The following F13A1 variants were observed in gnomAD, a reference collection of about 807,000 sequenced individuals.
F13A1 encodes the protein FSF, A subunit.
F13A1 carries 47 observed loss-of-function variants against 80.1 expected under a neutral mutation model. The ratio of observed to expected loss-of-function variants is 0.59; its 90% CI spans 0.46 to 0.75. The LOEUF (loss-of-function observed/expected upper bound fraction) is 0.75, where lower values mean the gene tolerates loss of function less well. F13A1 is among the 30% of genes least tolerant of loss of function. The pLI is 0.00. For synonymous variants in F13A1, 349 were observed against 344.9 expected (o/e 1.01, Z -0.13); for missense variants, 817 against 930.4 (o/e 0.88, Z 1.59).
At chr6:6,254,290 G>A (rs1757675824) in intron 4 of F13A1, among the ~76,000 whole-genome samples, 1 of 152,100 alleles carries the variant, frequency 6.6e-6, no homozygotes, top group Non-Finnish European at 1.5e-5. Context: ...TTTGCCCAAT[G>A]CTATTTCTAG....
intron 4 of F13A1, among the ~76,000 whole-genome samples, chr6:6,263,558 G>C (rs981315374): frequency 2.0e-5 from 3 of 152,022 alleles, no homozygotes; most frequent in Admixed American, 6.5e-5. Flanking sequence ...GCTCCTAACC[G>C]TGCCCATGTT....
chr6:6,238,949 T>A (rs143643409), intron 6 of F13A1, among the ~76,000 whole-genome samples: 24 of 152,244 alleles, frequency 1.6e-4, no homozygotes, highest in Admixed American at 1.4e-3. Context: ...ACTAGCCAAT[T>A]CTTATAAAGT....
Position 6,145,544 on chromosome 6 carries a change from A to AT in F13A1, c.*74dup, listed in dbSNP as rs1345679036. 2 of 1,597,062 alleles carry AT rather than the reference A, an allele frequency of 1.3e-6. No homozygotes were observed. The highest frequency in any genetic ancestry group is 4.5e-5 in the East Asian group (2 of 44,776). On this transcript the variant is annotated 3_prime_UTR_variant, in exon 15 of 15. Transcript: ENST00000264870. Reference sequence around the variant, plus strand: ...TCACACCTAAGTCAAAGCAAGAGCTATTTTTGCGTTAGAATTTCCTTAGCC... The same window carrying AT: ...TCACACCTAAGTCAAAGCAAGAGCTATTTTTTGCGTTAGAATTTCCTTAGCC...
At chr6:6,296,313 T>C (rs1304321127) in intron 3 of F13A1, among the ~76,000 whole-genome samples, 1 of 151,062 alleles carries the variant, frequency 6.6e-6, no homozygotes, top group Non-Finnish European at 1.5e-5. Context: ...GGGGATGGCA[T>C]TGAATCTGTA....
At chr6:6,229,132 A>G (rs768717310) in intron 6 of F13A1, among the ~76,000 whole-genome samples, 1 of 152,242 alleles carries the variant, frequency 6.6e-6, no homozygotes, top group Non-Finnish European at 1.5e-5. Flanking sequence ...AATTTCATTT[A>G]TTACAGCAAA....
rs948255195 is a variant in F13A1, at chr6:6,248,324, C to T, written c.786G>A (p.Val262=). ...AATTGCTGCTTACCATTGCAGACCCCACACGGCTGACTTTGATGGGATTCC... is the reference window on the plus strand; with the variant it reads ...AATTGCTGCTTACCATTGCAGACCCTACACGGCTGACTTTGATGGGATTCC... ...GRGNPIKVSR[V]GSAMVNAKDD... The change falls in exon 6 of 15, where the codon GTG becomes GTA. Residue 262 remains valine, a synonymous_variant. Coordinates refer to ENST00000264870, the MANE Select transcript of F13A1 (RefSeq NM_000129.4). The T allele has an allele frequency of 1.5e-5, 24 of 1,613,708 alleles. No homozygotes were observed. The highest frequency in any genetic ancestry group is 1.9e-5 in the Non-Finnish European group (23 of 1,179,832).
chr6:6,241,948 T>C (rs1757488895), intron 6 of F13A1, among the ~76,000 whole-genome samples: 1 of 152,136 alleles, frequency 6.6e-6, no homozygotes, highest in South Asian at 2.1e-4. Flanking sequence ...AGTAAACAAT[T>C]GAAAGAAAAT....
At chr6:6,303,085 C>T (rs948838708) in intron 3 of F13A1, among the ~76,000 whole-genome samples, 1 of 152,178 alleles carries the variant, frequency 6.6e-6, no homozygotes, top group Non-Finnish European at 1.5e-5. Context: ...ATATGGTCTT[C>T]TTACTTCATG....
Position 6,234,627 on chromosome 6 carries a change from G to T in F13A1, c.799-9767C>A, listed in dbSNP as rs537592151. Among the ~76,000 whole-genome samples the T allele has an allele frequency of 5.3e-5, 8 of 151,990 alleles. No individual in the cohort carries two copies. In the South Asian group the frequency reaches 1.7e-3, roughly 32 times the overall value. ...GAAAGAGGAGAGGAACAGTGAAAAT[G>T]GTAATGTTTTAGTGTGTGGGTCTCT... On this transcript the variant is annotated intron_variant, in intron 6 of 14. Transcript: ENST00000264870.
chr6:6,274,934 G>A (rs1757967677), intron 3 of F13A1, among the ~76,000 whole-genome samples: 1 of 152,192 alleles, frequency 6.6e-6, no homozygotes, highest in African/African-American at 2.4e-5. Flanking sequence ...TGTGGCAGAA[G>A]AAGCATTTGA....
At chr6:6,183,014 C>T (rs185610930) in intron 10 of F13A1, among the ~76,000 whole-genome samples, 113 of 152,280 alleles carry the variant, frequency 7.4e-4, no homozygotes, top group South Asian at 1.5e-3. Context: ...CCCAAGCTCT[C>T]CCAAGGCTCT....
intron 13 of F13A1, among the ~76,000 whole-genome samples, chr6:6,161,477 C>T (rs1454385050): frequency 2.0e-5 from 3 of 150,074 alleles, no homozygotes; most frequent in African/African-American, 4.9e-5. Flanking sequence ...GCAGTATAAT[C>T]ATAGTGTATT....
In F13A1 at chr6:6,311,583, C is replaced by CAT. The variant is rs1242854311; in HGVS notation, c.131-6046_131-6045dup. The stretch of plus-strand genomic sequence containing the variant: ...ATAGTTTTTCCATAGTGTAAACAAA[C>CAT]ATACATATATATCATGAATATATAT... On this transcript the variant is annotated intron_variant, in intron 2 of 14. Transcript: ENST00000264870. Among the ~76,000 whole-genome samples the CAT allele has an allele frequency of 6.7e-4, 17 of 25,436 alleles. No individual in the cohort carries two copies. The East Asian group carries it at 0.029, about 44-fold the overall frequency. 16.7% of individuals were successfully genotyped at this position (25,436 alleles called of 152,430 possible). A position where few individuals can be genotyped will look rare whatever the true frequency, so the allele number is the denominator to read the frequency against.
chr6:6,316,864 T>C (rs1758693147), intron 2 of F13A1, among the ~76,000 whole-genome samples: 1 of 152,292 alleles, frequency 6.6e-6, no homozygotes, highest in African/African-American at 2.4e-5. Context: ...AATATGACTT[T>C]CCCAGAGTGA....
Position 6,222,024 on chromosome 6 carries a change from C to T in F13A1, c.1112+9G>A, listed in dbSNP as rs1309064000. On this transcript the variant is annotated intron_variant, in intron 8 of 14. Transcript: ENST00000264870. ...GACATCAGCCAATGCCATTGTCAAT[C>T]AAACTCACCACACTGAATCCTTGGT... 2 of 1,613,434 alleles carry T rather than the reference C, an allele frequency of 1.2e-6. No individual in the cohort carries two copies. The highest frequency in any genetic ancestry group is 1.7e-6 in the Non-Finnish European group (2 of 1,179,866).
At chr6:6,199,649 A>G (rs4959374) in intron 8 of F13A1, among the ~76,000 whole-genome samples, 97,984 of 152,068 alleles carry the variant, frequency 0.64, 32,664 homozygotes, top group African/African-American at 0.82. Flanking sequence ...TGATATAGGT[A>G]AGGATAAGAT....
intron 4 of F13A1, among the ~76,000 whole-genome samples, chr6:6,253,713 G>A (rs775207593): frequency 5.3e-5 from 8 of 152,176 alleles, no homozygotes; most frequent in Admixed American, 1.3e-4. Context: ...ATAGCTAACT[G>A]AAACAAAGCT....
intron 1 of F13A1, 57 bp downstream of exon 1, chr6:6,320,530 G>A: frequency 2.5e-6 from 1 of 395,082 alleles, no homozygotes; most frequent in Middle Eastern, 3.7e-4. Context: ...GGAAACCGAG[G>A]TGCAGAAGGT....
chr6:6,300,390 C>G (rs185665191), intron 3 of F13A1, among the ~76,000 whole-genome samples: 9 of 151,258 alleles, frequency 6.0e-5, no homozygotes, highest in South Asian at 2.1e-4. Flanking sequence ...CAGCAATCAG[C>G]GAGACTCCGT....
Sources: gnomAD v4.1 joint callset for allele counts (sites outside exome capture counted in the v4.1 genomes callset) on GRCh38, gnomAD v4.1.1 for gene constraint, MANE v1.5 for transcripts, NCBI Gene and HGNC (gene_info 2026-07-23, HGNC 2026-07-21) for gene names.